CDK6: variants seen among roughly 807,000 people sequenced by gnomAD.
The protein encoded by CDK6 is cyclin dependent kinase 6, also known as cyclin-dependent kinase 6.
Under a neutral mutation model 37.1 loss-of-function variants are expected in CDK6, and 6 were observed. The observed-to-expected ratio is 0.16, with a 90% confidence interval of 0.09 to 0.32. The LOEUF is 0.32. Among genes scored for constraint, CDK6 ranks in the 10% least tolerant of loss-of-function variants. The probability of loss-of-function intolerance (pLI) is 1.00; values close to 1 mark genes in which losing one functional copy is unlikely to be tolerated. For synonymous variants in CDK6, 160 were observed against 161.3 expected, an observed-to-expected ratio of 0.99 and a Z score of 0.06; for missense variants, 224 against 418.9, an observed-to-expected ratio of 0.53 and a Z score of 4.06.
At chr7:92,661,115 A>T (rs746238623) in intron 5 of CDK6, among the ~76,000 whole-genome samples, 1 of 152,170 alleles carries the variant, frequency 6.6e-6, no homozygotes, top group Non-Finnish European at 1.5e-5. Flanking sequence ...TGCTGCAGAC[A>T]TCAAATGAAA....
intron 3 of CDK6, among the ~76,000 whole-genome samples, chr7:92,751,611 G>GT (rs1799189621): frequency 6.6e-6 from 1 of 152,170 alleles, no homozygotes; most frequent in Non-Finnish European, 1.5e-5. Context: ...AAATTAGGCT[G>GT]TATCTTTGTA....
rs185359511 is a variant in CDK6 at position 92,774,582 on chromosome 7, T to C, written c.369+114A>G. 17 of 890,550 alleles carry C rather than the reference T, an allele frequency of 1.9e-5. No homozygotes were observed. In the East Asian group the frequency reaches 3.3e-4, roughly 17 times the overall value. 55.2% of individuals were successfully genotyped at this position (890,550 alleles called of 1,614,324 possible). On this transcript the variant is annotated intron_variant, in intron 3 of 7. Coordinates refer to ENST00000424848, the MANE Select transcript of CDK6 (RefSeq NM_001145306.2). ...ACATTTTCTTTGATTTTTTTAACTA[T>C]ATACCGAATTCTAAAAGTTGTAATT...
intron 3 of CDK6, among the ~76,000 whole-genome samples, chr7:92,739,002 A>G (rs1351065130): frequency 6.6e-6 from 1 of 152,302 alleles, no homozygotes; most frequent in African/African-American, 2.4e-5. Flanking sequence ...CTCTACAATT[A>G]GGACTGCTGA....
chr7:92,697,414 C>T (rs1429050548), intron 4 of CDK6, among the ~76,000 whole-genome samples: 2 of 152,194 alleles, frequency 1.3e-5, no homozygotes, highest in African/African-American at 4.8e-5. Flanking sequence ...AAGGACTTCA[C>T]ACATTTTATG....
At chr7:92,826,586 C>T (rs1158324182) in intron 2 of CDK6, among the ~76,000 whole-genome samples, 1 of 152,044 alleles carries the variant, frequency 6.6e-6, no homozygotes, top group African/African-American at 2.4e-5. Flanking sequence ...CTGTAGGATA[C>T]ATGTTAACAA....
intron 3 of CDK6, among the ~76,000 whole-genome samples, chr7:92,757,756 AT>A (rs1220153451): frequency 6.6e-6 from 1 of 152,130 alleles, no homozygotes; most frequent in Non-Finnish European, 1.5e-5. Context: ...GGTTGAACTA[AT>A]TTACACTCCC....
Position 92,774,943 on chromosome 7 carries a change from TGA to T in CDK6, c.234-114_234-113del. The T allele has an allele frequency of 1.7e-5, 16 of 918,566 alleles. 1 individual carries two copies. The South Asian group carries it at 2.6e-4, about 15-fold the overall frequency. 56.9% of individuals were successfully genotyped at this position (918,566 alleles called of 1,614,324 possible). ...CATAATAGAAAAAAAAGGCCAGTGT[TGA>T]TCATTTCTTGTGATCATATGTAAAG... is the stretch of plus-strand genomic sequence containing the variant. On this transcript the variant is annotated intron_variant, in intron 2 of 7. Transcript: ENST00000424848.
chr7:92,682,174 C>T (rs930655265), intron 4 of CDK6, among the ~76,000 whole-genome samples: 2 of 152,096 alleles, frequency 1.3e-5, no homozygotes, highest in African/African-American at 4.8e-5. Context: ...TTTACTGCAT[C>T]TGAAGCTGTG....
intron 3 of CDK6, among the ~76,000 whole-genome samples, chr7:92,730,873 C>T (rs925577673): frequency 2.0e-5 from 3 of 152,152 alleles, no homozygotes; most frequent in Non-Finnish European, 2.9e-5. Flanking sequence ...TGTGACTCTG[C>T]TTTCAATTTT....
At chr7:92,617,489 C>A (rs984349373) in intron 7 of CDK6, among the ~76,000 whole-genome samples, 6 of 152,190 alleles carry the variant, frequency 3.9e-5, no homozygotes, top group African/African-American at 1.4e-4. Context: ...GTACACTTTT[C>A]TACCTATTGT....
At chr7:92,676,704 C>G (rs529145307) in intron 4 of CDK6, among the ~76,000 whole-genome samples, 13 of 152,252 alleles carry the variant, frequency 8.5e-5, no homozygotes, top group Admixed American at 8.5e-4. Flanking sequence ...CAGAGCAATA[C>G]AAAACTTTCT....
chr7:92,670,863 T>C (rs751685704), intron 5 of CDK6, among the ~76,000 whole-genome samples: 1 of 152,242 alleles, frequency 6.6e-6, no homozygotes, highest in Non-Finnish European at 1.5e-5. Context: ...ATCTTTCTTT[T>C]TGTAATTTCT....
At chr7:92,772,977 T>C (rs955677312) in intron 3 of CDK6, among the ~76,000 whole-genome samples, 5 of 152,136 alleles carry the variant, frequency 3.3e-5, no homozygotes, top group Admixed American at 6.5e-5. Flanking sequence ...CCCAAATAAC[T>C]TTGAACTTAG....
At position 92,607,468 on chromosome 7, in the gene CDK6, A is replaced by G. The variant is rs537459655; in HGVS notation, c.*7672T>C. ...TAATTCCTTTACATAATGATAAAAC[A>G]CCTAGATACCCAAAATACTACATCT... On this transcript the variant is annotated 3_prime_UTR_variant, in exon 8 of 8. Transcript: ENST00000424848. The G allele has an allele frequency of 2.7e-4, 63 of 233,004 alleles. No homozygotes were observed. The highest frequency in any genetic ancestry group is 4.7e-4 in the Non-Finnish European group (56 of 117,930). 14.4% of individuals were successfully genotyped at this position (233,004 alleles called of 1,614,324 possible). A position where few individuals can be genotyped will look rare whatever the true frequency, so the allele number is the denominator to read the frequency against.
intron 2 of CDK6, among the ~76,000 whole-genome samples, chr7:92,805,831 T>G (rs1800711601): frequency 6.6e-6 from 1 of 152,178 alleles, no homozygotes; most frequent in Admixed American, 6.5e-5. Context: ...TTATTTCCAA[T>G]CTGAACCCTA....
intron 5 of CDK6, among the ~76,000 whole-genome samples, chr7:92,664,946 C>T (rs1231821531): frequency 6.6e-6 from 1 of 151,964 alleles, no homozygotes; most frequent in Non-Finnish European, 1.5e-5. Flanking sequence ...CCACCACGCT[C>T]AGCTAATTTT....
intron 4 of CDK6, among the ~76,000 whole-genome samples, chr7:92,703,496 A>T (rs548018960): frequency 6.6e-6 from 1 of 152,254 alleles, no homozygotes. Flanking sequence ...TGACCTCATT[A>T]ATCATTATAA....
At chr7:92,722,968 T>C (rs1026112148) in intron 4 of CDK6, among the ~76,000 whole-genome samples, 25 of 152,178 alleles carry the variant, frequency 1.6e-4, no homozygotes, top group Admixed American at 1.6e-3. Flanking sequence ...ACGGATTACT[T>C]GAGGTCAGGA....
chr7:92,750,163 A>G (rs967436381), intron 3 of CDK6, among the ~76,000 whole-genome samples: 1 of 152,184 alleles, frequency 6.6e-6, no homozygotes, highest in African/African-American at 2.4e-5. Flanking sequence ...AGTGAGAAAA[A>G]CACATTTATA....
Sources: gnomAD v4.1 joint callset for allele counts (sites outside exome capture counted in the v4.1 genomes callset) on GRCh38, gnomAD v4.1.1 for gene constraint, MANE v1.5 for transcripts, NCBI Gene and HGNC (gene_info 2026-07-23, HGNC 2026-07-21) for gene names.